The following FOCAD variants were observed in gnomAD, a reference collection of about 807,000 sequenced individuals.
The protein encoded by FOCAD is focadhesin.
A neutral mutation model predicts 225.6 loss-of-function variants in FOCAD; 198 were observed. The observed-to-expected ratio is 0.88, with a 90% confidence interval of 0.78 to 0.99. The LOEUF is 0.99. FOCAD is among the 50% of genes least tolerant of loss of function. The pLI is 0.00. For missense variants in FOCAD, 2,713 were observed against 2,123.6 expected (o/e 1.28, Z -5.46); for synonymous variants, 897 against 755.0 (o/e 1.19, Z -3.08).
intron 40 of FOCAD, 101 bp downstream of exon 40, chr9:20,986,566 T>C (rs1166615344): frequency 1.8e-6 from 2 of 1,114,478 alleles, no homozygotes; most frequent in African/African-American, 3.2e-5. Flanking sequence ...AGTTTAGTGC[T>C]TATTGACACA....
intron 1 of FOCAD, among the ~76,000 whole-genome samples, chr9:20,686,358 T>C (rs1822667027): frequency 6.6e-6 from 1 of 152,184 alleles, no homozygotes; most frequent in South Asian, 2.1e-4. Flanking sequence ...AGTTTCACCA[T>C]GTTGGCCAGG....
At chr9:20,740,877 C>G (rs546757259) in intron 5 of FOCAD, among the ~76,000 whole-genome samples, 6 of 152,034 alleles carry the variant, frequency 3.9e-5, no homozygotes, top group African/African-American at 7.2e-5. Context: ...TACTACAATG[C>G]ATTGGATTTT....
chr9:20,976,895 G>A (rs1311470897), intron 36 of FOCAD, among the ~76,000 whole-genome samples: 1 of 152,158 alleles, frequency 6.6e-6, no homozygotes, highest in East Asian at 1.9e-4. Flanking sequence ...GTGGGATGCT[G>A]TATTAATTTT....
intron 11 of FOCAD, among the ~76,000 whole-genome samples, chr9:20,802,249 T>G (rs1026360548): frequency 2.0e-5 from 3 of 152,144 alleles, no homozygotes; most frequent in African/African-American, 7.2e-5. Context: ...TTGAAAACAA[T>G]TTGTGTGTTT....
chr9:20,851,287 G>A (rs540686018), intron 15 of FOCAD, among the ~76,000 whole-genome samples: 14 of 150,694 alleles, frequency 9.3e-5, no homozygotes, highest in African/African-American at 1.2e-4. Context: ...TCCATCTAGC[G>A]TCTTTATCTG....
chr9:20,882,401 C>T (rs1830752746), intron 20 of FOCAD, among the ~76,000 whole-genome samples: 1 of 152,308 alleles, frequency 6.6e-6, no homozygotes, highest in East Asian at 1.9e-4. Flanking sequence ...ATTTTTCTCA[C>T]AGGACATTTG....
intron 1 of FOCAD, among the ~76,000 whole-genome samples, chr9:20,701,912 G>A (rs1373071649): frequency 3.3e-5 from 5 of 152,100 alleles, no homozygotes; most frequent in Non-Finnish European, 5.9e-5. Context: ...GCAAACCCAG[G>A]TAATTCATTT....
In FOCAD at chr9:20,725,597, T is replaced by G. The variant is rs114851123; in HGVS notation, c.287+5063T>G. ...TAGATGTGCCCATCTCTTCCAGCCTTATAACTTGCTCCTTCATCCTTTGTA... is the reference window on the plus strand; with the variant it reads ...TAGATGTGCCCATCTCTTCCAGCCTGATAACTTGCTCCTTCATCCTTTGTA... On this transcript the variant is annotated intron_variant, in intron 4 of 43. Coordinates refer to ENST00000338382, the MANE Select transcript of FOCAD (RefSeq NM_001375567.1). Among the ~76,000 whole-genome samples, 354 of 152,326 alleles carry G rather than the reference T, an allele frequency of 2.3e-3. 1 individual carries two copies. The highest frequency in any genetic ancestry group is 7.6e-3 in the African/African-American group (314 of 41,568).
At chr9:20,779,486 C>G (rs1261669663) in intron 9 of FOCAD, among the ~76,000 whole-genome samples, 1 of 152,166 alleles carries the variant, frequency 6.6e-6, no homozygotes, top group East Asian at 1.9e-4. Context: ...GTGGCTCATG[C>G]TTGTAATCCC....
chr9:20,813,630 A>C (rs768133101), intron 11 of FOCAD, among the ~76,000 whole-genome samples: 16 of 152,076 alleles, frequency 1.1e-4, no homozygotes, highest in Non-Finnish European at 1.9e-4. Flanking sequence ...ATTTGTTAAG[A>C]CTTGTTTTGT....
chr9:20,790,777 C>G (rs542076906), intron 11 of FOCAD, among the ~76,000 whole-genome samples: 1 of 152,048 alleles, frequency 6.6e-6, no homozygotes, highest in Admixed American at 6.6e-5. Context: ...AAAACAAAAA[C>G]AAAAAAACAA....
At chr9:20,719,322 A>G (rs1449795050) in intron 3 of FOCAD, among the ~76,000 whole-genome samples, 2 of 152,146 alleles carry the variant, frequency 1.3e-5, no homozygotes, top group South Asian at 2.1e-4. Context: ...ACCTCAGTTG[A>G]TCCACCCGCC....
intron 5 of FOCAD, among the ~76,000 whole-genome samples, chr9:20,743,520 A>C (rs1827796517): frequency 6.6e-6 from 1 of 151,952 alleles, no homozygotes; most frequent in South Asian, 2.1e-4. Context: ...TATGAGAACC[A>C]AGAATGTTAG....
At chr9:20,753,680 G>A (rs981363008) in intron 5 of FOCAD, among the ~76,000 whole-genome samples, 3 of 152,152 alleles carry the variant, frequency 2.0e-5, no homozygotes, top group African/African-American at 7.2e-5. Flanking sequence ...CTCATAAAAT[G>A]AGTTAGGGAG....
chr9:20,991,370 T>A (rs1427413293), intron 42 of FOCAD, among the ~76,000 whole-genome samples: 1 of 152,200 alleles, frequency 6.6e-6, no homozygotes. Context: ...ATCTGAACAT[T>A]AATCTTTAAA....
chr9:20,848,551 A>T (rs552462455), intron 15 of FOCAD, among the ~76,000 whole-genome samples: 1 of 152,076 alleles, frequency 6.6e-6, no homozygotes, highest in South Asian at 2.1e-4. Flanking sequence ...GAAGGGTCAG[A>T]GACAAGAGGG....
At chr9:20,694,116 A>G (rs1039134776) in intron 1 of FOCAD, among the ~76,000 whole-genome samples, 2 of 152,194 alleles carry the variant, frequency 1.3e-5, no homozygotes, top group Non-Finnish European at 2.9e-5. Context: ...ACTATATGCA[A>G]TACCTTTCTT....
At chr9:20,874,656 A>T (rs771762837) in intron 18 of FOCAD, 25 bp from the exon 19 acceptor site, 5 of 1,609,504 alleles carry the variant, frequency 3.1e-6, no homozygotes. Flanking sequence ...TATCCTCTCT[A>T]TGATCTTTTC....
At chr9:20,830,669 C>T (rs1825390440) in intron 15 of FOCAD, among the ~76,000 whole-genome samples, 1 of 151,996 alleles carries the variant, frequency 6.6e-6, no homozygotes, top group Non-Finnish European at 1.5e-5. Context: ...TAAGTTGCTT[C>T]CCATTTTTCT....
Sources: allele counts gnomAD v4.1 joint callset (sites outside exome capture counted in the v4.1 genomes callset), GRCh38; gene constraint gnomAD v4.1.1; transcripts MANE v1.5; gene names NCBI Gene and HGNC (gene_info 2026-07-23, HGNC 2026-07-21).